GATB: variants seen among roughly 807,000 people sequenced by gnomAD.
GATB encodes the protein glutamyl-tRNA(Gln) amidotransferase subunit B, mitochondrial.
A neutral mutation model predicts 62.3 loss-of-function variants in GATB; 39 were observed. The ratio of observed to expected loss-of-function variants is 0.63; its 90% CI spans 0.48 to 0.82. GATB has a LOEUF of 0.82. Ranked by LOEUF, GATB falls within the 40% of genes least tolerant of loss-of-function variation. The pLI, the probability that GATB is intolerant of heterozygous loss-of-function variation, is 0.00. For missense variants in GATB, 670 were observed against 684.0 expected (o/e 0.98, Z 0.23); for synonymous variants, 276 against 258.9 (o/e 1.07, Z -0.63).
intron 2 of GATB, chr4:151,722,309 G>C (rs1467004105): frequency 1.5e-6 from 1 of 676,468 alleles, no homozygotes; most frequent in East Asian, 2.7e-5. Context: ...TGAATCCGCA[G>C]TGGTGACATG....
At chr4:151,736,672 T>C (rs115394754) in intron 2 of GATB, among the ~76,000 whole-genome samples, 1,925 of 152,314 alleles carry the variant, frequency 0.013, 39 homozygotes, top group African/African-American at 0.044. Flanking sequence ...GTTAAAAACA[T>C]GAGTACTGAT....
rs778677870 is a variant in GATB at position 151,701,431 on chromosome 4, A to G, written c.1095T>C (p.Asn365=). The change falls in exon 9 of 13, where the codon AAT becomes AAC. Residue 365 remains asparagine, a synonymous_variant. Transcript: ENST00000263985. The part of the protein sequence containing the change: ...PAGADPQQVI[N]IDQIRETLPE... The stretch of plus-strand genomic sequence containing the variant: ...GGAGTGTCTCCCGAATCTGGTCAAT[A>G]TTGATCACTTGCTGTGGGTCTGCAC... 1 of 1,605,108 alleles carries G rather than the reference A, an allele frequency of 6.2e-7. No individual in the cohort carries two copies. The highest frequency in any genetic ancestry group is 8.5e-7 in the Non-Finnish European group (1 of 1,175,662).
At chr4:151,707,920 G>T in intron 6 of GATB, 68 bp downstream of exon 6, 1 of 1,047,676 alleles carries the variant, frequency 9.5e-7, no homozygotes, top group Non-Finnish European at 1.5e-6. Context: ...AAGTTTCTGG[G>T]TTGTTTGTTA....
chr4:151,717,374 A>G, intron 3 of GATB: 1 of 340,064 alleles, frequency 2.9e-6, no homozygotes. Context: ...GGGAATAACA[A>G]TAATGTCATT....
At chr4:151,738,848 G>C (rs1739429168) in intron 2 of GATB, among the ~76,000 whole-genome samples, 1 of 152,190 alleles carries the variant, frequency 6.6e-6, no homozygotes, top group African/African-American at 2.4e-5. Context: ...GTGTAATCTG[G>C]TGCTTATACT....
rs946953413 is a variant in GATB, at chr4:151,701,849, C to G, written c.1008-331G>C. Among the ~76,000 whole-genome samples, 3 of 152,260 alleles carry G rather than the reference C, an allele frequency of 2.0e-5. No individual in the cohort carries two copies. The East Asian group carries it at 5.8e-4, about 29-fold the overall frequency. On this transcript the variant is annotated intron_variant, in intron 8 of 12. Transcript: ENST00000263985. ...ACAGTTGTGTGTTGCTTCACAACGGCGATATGTTCGTAGAGATGTGTCGTT... is the reference window on the plus strand; with the variant it reads ...ACAGTTGTGTGTTGCTTCACAACGGGGATATGTTCGTAGAGATGTGTCGTT...
intron 10 of GATB, among the ~76,000 whole-genome samples, chr4:151,680,400 T>C (rs1738116329): frequency 6.6e-6 from 1 of 152,016 alleles, no homozygotes. Flanking sequence ...CACATTTTCA[T>C]CCATCCTCAG....
chr4:151,745,635 T>C (rs533126551), intron 2 of GATB, among the ~76,000 whole-genome samples: 1 of 152,354 alleles, frequency 6.6e-6, no homozygotes, highest in Non-Finnish European at 1.5e-5. Flanking sequence ...ATTTGCATTG[T>C]TTGTTAGTTC....
At chr4:151,709,994 T>C (rs978257368) in intron 5 of GATB, among the ~76,000 whole-genome samples, 2 of 152,154 alleles carry the variant, frequency 1.3e-5, no homozygotes, top group African/African-American at 4.8e-5. Context: ...GCACGCTCTC[T>C]TTATCAGAGC....
At chr4:151,708,150 T>C in intron 5 of GATB, 49 bp from the exon 6 acceptor site, 1 of 1,289,530 alleles carries the variant, frequency 7.8e-7, no homozygotes, top group Admixed American at 1.7e-5. Flanking sequence ...TGAGGTGACA[T>C]AGTCTTTTAA....
intron 2 of GATB, among the ~76,000 whole-genome samples, chr4:151,758,310 A>T (rs1380874599): frequency 6.6e-6 from 1 of 152,130 alleles, no homozygotes; most frequent in African/African-American, 2.4e-5. Flanking sequence ...ACCCTTCCTT[A>T]ACCTAAAGTA....
At chr4:151,674,500 A>G (rs1737953956) in intron 11 of GATB, 1 of 152,264 alleles carries the variant, frequency 6.6e-6, no homozygotes. Flanking sequence ...AAGGAAATAC[A>G]GGAGAGATCA....
chr4:151,723,422 G>A (rs186307071), intron 2 of GATB: 4 of 152,266 alleles, frequency 2.6e-5, no homozygotes, highest in Admixed American at 2.6e-4. Flanking sequence ...AATCTTACAA[G>A]AAAAAAGCAT....
rs1036193470 is a variant in GATB, at chr4:151,670,675, T to C, written c.*499A>G. The C allele has an allele frequency of 6.5e-6, 1 of 153,220 alleles. No individual in the cohort carries two copies. Among genetic ancestry groups the C allele is most frequent in the African/African-American group, 2.4e-5 (1 of 41,476 alleles). The allele number at this position is 153,220 out of a possible 1,614,324, so 9.5% of individuals were successfully genotyped here. A position where few individuals can be genotyped will look rare whatever the true frequency, so the allele number is the denominator to read the frequency against. On this transcript the variant is annotated 3_prime_UTR_variant, in exon 13 of 13. Coordinates refer to ENST00000263985, the MANE Select transcript of GATB (RefSeq NM_004564.3). ...AATGTGTTTATACTGTGCCAGTTTA[T>C]TTGGTTGTATTTTCATCTTTGTTAA...
intron 2 of GATB, among the ~76,000 whole-genome samples, chr4:151,737,311 G>A (rs537487301): frequency 1.2e-4 from 19 of 152,332 alleles, no homozygotes; most frequent in Middle Eastern, 3.4e-3. Flanking sequence ...AAAGAGACTG[G>A]TGGCACTTTG....
intron 5 of GATB, among the ~76,000 whole-genome samples, chr4:151,710,318 A>G (rs1305659703): frequency 6.6e-6 from 1 of 152,176 alleles, no homozygotes; most frequent in Admixed American, 6.5e-5. Context: ...TGACGTATAC[A>G]TATGCAATAG....
At position 151,715,669 on chromosome 4, in the gene GATB, C is replaced by T. The variant is rs536702354; in HGVS notation, c.763+340G>A. Among the ~76,000 whole-genome samples, 20 of 152,278 alleles carry T rather than the reference C, an allele frequency of 1.3e-4. No individual in the cohort carries two copies. The Middle Eastern group carries it at 0.01, about 78-fold the overall frequency. On this transcript the variant is annotated intron_variant, in intron 5 of 12. Transcript: ENST00000263985. Reference sequence around the variant, plus strand: ...AACTAATTATGAAGTGCTATCTATACGGTACTCACTAACTAAGAACTGTTC... The same window carrying T: ...AACTAATTATGAAGTGCTATCTATATGGTACTCACTAACTAAGAACTGTTC...
chr4:151,692,050 G>A (rs1578903703), intron 9 of GATB, among the ~76,000 whole-genome samples: 1 of 152,346 alleles, frequency 6.6e-6, no homozygotes, highest in Admixed American at 6.5e-5. Flanking sequence ...TGCTGCTGCT[G>A]AGGACAGTGA....
At chr4:151,699,998 A>C (rs4696288) in intron 9 of GATB, among the ~76,000 whole-genome samples, 36,923 of 152,106 alleles carry the variant, frequency 0.24, 5,138 homozygotes, top group Non-Finnish European at 0.32. Context: ...AATAGTAATA[A>C]AAGGTAGGGC....
Sources: allele counts gnomAD v4.1 joint callset (sites outside exome capture counted in the v4.1 genomes callset), GRCh38; gene constraint gnomAD v4.1.1; transcripts MANE v1.5; gene names NCBI Gene and HGNC (gene_info 2026-07-23, HGNC 2026-07-21).